Variants in LAMA5 observed in about 807,000 individuals in gnomAD.
LAMA5 encodes laminin subunit alpha 5, also known as laminin subunit alpha-5.
LAMA5 carries 260 observed loss-of-function variants against 433.4 expected under a neutral mutation model. That is an observed-to-expected ratio of 0.60 (90% CI 0.54 to 0.66). The LOEUF (loss-of-function observed/expected upper bound fraction) is 0.66, where lower values mean the gene tolerates loss of function less well. Among genes scored for constraint, LAMA5 ranks in the 30% least tolerant of loss-of-function variants. LAMA5 has a pLI of 0.00. For missense variants in LAMA5, 5,378 were observed against 5,258.5 expected, an observed-to-expected ratio of 1.02 and a Z score of -0.70; for synonymous variants, 2,620 against 2,226.6, an observed-to-expected ratio of 1.18 and a Z score of -4.97.
At position 62,333,467 on chromosome 20, in the gene LAMA5, C is replaced by A; in HGVS notation, c.3036G>T (p.Leu1012=). Residue 1012 remains leucine, a synonymous_variant, in exon 25 of 80, where the codon CTG becomes CTT. Transcript: ENST00000252999. ...CCGCCTCGTAGTATGCGCTAGGCAG[C>A]AGAACCACGTAGTCCTGCAGGGTGG... is the stretch of plus-strand genomic sequence containing the variant. ...AEGVLLDYVV[L]LPSAYYEAAL... is the part of the protein sequence containing the mutation. 2 of 1,612,474 alleles carry A rather than the reference C, an allele frequency of 1.2e-6. No homozygotes were observed. The highest frequency in any genetic ancestry group is 1.1e-5 in the South Asian group (1 of 90,992).
intron 6 of LAMA5, among the ~76,000 whole-genome samples, chr20:62,347,614 T>TA (rs1983587418): frequency 6.6e-6 from 1 of 152,170 alleles, no homozygotes; most frequent in East Asian, 1.9e-4. Context: ...GGGTGGACAC[T>TA]AAGTCACAGG....
rs1986351473 is a variant in LAMA5 at position 62,312,210 on chromosome 20, G to T, written c.9467C>A (p.Ala3156Asp). The T allele has an allele frequency of 1.2e-6, 2 of 1,610,496 alleles. No homozygotes were observed. Among genetic ancestry groups the T allele is most frequent in the Non-Finnish European group, 1.7e-6 (2 of 1,179,260 alleles). The change falls in exon 69 of 80, where the codon GCC becomes GAC. Residue 3156 changes from alanine to aspartate, a missense_variant. Ala to Asp is a moderately radical substitution (Grantham distance 126). Transcript: ENST00000252999. Reference protein sequence around the residue: ...NVYSGFGFHSAQDSALLYYRA... With the variant: ...NVYSGFGFHSDQDSALLYYRA... ...GTAGTAGAGCAGGGCACTGTCCTGG[G>T]CGCTGTGGAAGCCGAAGCCGGAGTA...
In LAMA5 at chr20:62,310,780, G is replaced by T; in HGVS notation, c.10331C>A (p.Ala3444Asp). 1.9e-6 allele frequency: 3 copies of T among 1,553,130 alleles called. No homozygotes were observed. Among genetic ancestry groups the T allele is most frequent in the Non-Finnish European group, 2.6e-6 (3 of 1,150,008 alleles). ...KNRILLVTDG[A>D]RAWSQEGPHR... Reference sequence around the variant, plus strand: ...CGGCCCCTCCTGGCTCCAGGCCCGGGCCCCGTCCGTCACCAGCAGGATCCG... The same window carrying T: ...CGGCCCCTCCTGGCTCCAGGCCCGGTCCCCGTCCGTCACCAGCAGGATCCG... Residue 3444 changes from alanine (A) to aspartate (D), a missense_variant, in exon 75 of 80, where the codon GCC (alanine) becomes GAC (aspartate). By Grantham distance (126) the Ala-to-Asp change is moderately radical. Transcript: ENST00000252999.
intron 47 of LAMA5, 25 bp downstream of exon 47, chr20:62,322,244 C>A: frequency 6.4e-7 from 1 of 1,570,210 alleles, no homozygotes; most frequent in South Asian, 1.2e-5. Flanking sequence ...CCCCATCCGC[C>A]CTCCTGTGAC....
rs1285027409 is a variant in LAMA5 at position 62,362,486 on chromosome 20, C to A, written c.364G>T (p.Asp122Tyr). 1 of 1,605,364 alleles carries A rather than the reference C, an allele frequency of 6.2e-7. No homozygotes were observed. Among genetic ancestry groups the A allele is most frequent in the Non-Finnish European group, 8.5e-7 (1 of 1,175,696 alleles). The change falls in exon 2 of 80, where the codon GAT (aspartate) becomes TAT (tyrosine). Residue 122 changes from aspartate (D) to tyrosine (Y), a missense_variant. Transcript: ENST00000252999. The part of the protein sequence containing the change: ...NKAHPASNAI[D>Y]GTERWWQSPP... ...CTCTGCCACCAGCGCTCCGTGCCAT[C>A]GATGGCATTGCTCGCGGGGTGTGCC... is the stretch of plus-strand genomic sequence containing the variant.
chr20:62,367,092 G>C lies in LAMA5; in HGVS notation c.154C>G (p.Leu52Val). The C allele has an allele frequency of 7.8e-7, 1 of 1,275,196 alleles. No homozygotes were observed. The highest frequency in any genetic ancestry group is 9.9e-7 in the Non-Finnish European group (1 of 1,014,820). The allele number at this position is 1,275,196 out of a possible 1,614,324, so 79.0% of individuals were successfully genotyped here. ...GFSLHPPYFN[L>V]AEGARIAASA... ...GCGGCGATGCGGGCGCCCTCGGCCA[G>C]GTTGAAGTAGGGCGGGTGCAGGCTG... Residue 52 changes from leucine to valine, a missense_variant, in exon 1 of 80, where the codon CTG becomes GTG. By Grantham distance (32) the Leu-to-Val change is conservative. Transcript: ENST00000252999.
intron 34 of LAMA5, among the ~76,000 whole-genome samples, 192 bp from the exon 35 acceptor site, chr20:62,328,637 C>G (rs1433233810): frequency 6.6e-6 from 1 of 152,006 alleles, no homozygotes; most frequent in African/African-American, 2.4e-5. Flanking sequence ...ACATCATCGT[C>G]AGAGACTGTG....
At chr20:62,318,289 A>C (rs1176352740) in intron 53 of LAMA5, among the ~76,000 whole-genome samples, 165 bp downstream of exon 53, 1 of 21,032 alleles carries the variant, frequency 4.8e-5, no homozygotes, top group Non-Finnish European at 9.1e-5. Context: ...GAGGGGAGGA[A>C]GAGGAGGAGG....
chr20:62,329,831 G>C lies in LAMA5; in HGVS notation c.4065C>G (p.Thr1355=). 6.2e-7 allele frequency: 1 copy of C among 1,612,458 alleles called. No homozygotes were observed. Among genetic ancestry groups the C allele is most frequent in the Non-Finnish European group, 8.5e-7 (1 of 1,179,788 alleles). ...VCEGQALLDV[T]HSELTVTVRV... ...GCACGGTCACAGTGAGCTCGCTGTG[G>C]GTCACGTCCAGCAGGGCCTGGCCCT... The change falls in exon 32 of 80, where the codon ACC becomes ACG. Residue 1355 remains threonine (T), a synonymous_variant. Transcript: ENST00000252999.
intron 30 of LAMA5, 54 bp from the exon 31 acceptor site, chr20:62,330,668 T>C: frequency 6.4e-7 from 1 of 1,562,050 alleles, no homozygotes; most frequent in Non-Finnish European, 8.7e-7. Flanking sequence ...TGCTGCCCCC[T>C]GGACAACCTG....
rs3737137 is a variant in LAMA5 at position 62,322,665 on chromosome 20, C to T, written c.6158G>A (p.Arg2053His). The T allele has an allele frequency of 0.21, 326,641 of 1,536,694 alleles. 37,068 individuals carry two copies. The highest frequency in any genetic ancestry group is 0.26 in the Middle Eastern group (1,145 of 4,342). ...KAGVTGRRCD[R>H]CQEGHFGFDG... ...CTTACCCCACAGCCCTACCTGGCAG[C>T]GGTCACAGCGCCGCCCAGTCACGCC... Residue 2053 changes from arginine (R) to histidine (H), a missense_variant, in exon 46 of 80, where the codon CGC becomes CAC. Transcript: ENST00000252999.
chr20:62,351,827 C>T, intron 5 of LAMA5, 26 bp from the exon 6 acceptor site: 1 of 1,587,436 alleles, frequency 6.3e-7, no homozygotes, highest in Non-Finnish European at 8.6e-7. Context: ...CCGTGAGCAC[C>T]AGGCGGCCAG....
chr20:62,356,169 C>G (rs1985196046), intron 2 of LAMA5: 1 of 152,298 alleles, frequency 6.6e-6, no homozygotes, highest in Non-Finnish European at 1.5e-5. Flanking sequence ...GTCTGTCCCC[C>G]ATCCCAACCA....
chr20:62,327,043 AC>A, intron 38 of LAMA5, 77 bp from the exon 39 acceptor site: 1 of 1,190,036 alleles, frequency 8.4e-7, no homozygotes, highest in Non-Finnish European at 1.2e-6. Context: ...TGGTCTGGGC[AC>A]CCCCAGCACA....
Position 62,312,726 on chromosome 20 carries a change from G to T in LAMA5, c.9133C>A (p.Arg3045=). The change falls in exon 67 of 80, where the codon CGG becomes AGG. Residue 3045 remains arginine (R), a synonymous_variant. Transcript: ENST00000252999. ...TGCTCCACGCTGTACACCGTGGCCC[G>T]CTCCACACGCACCAGCACACGCTTG... ...SRKRVLVRVE[R]ATVYSVEQDN... is the part of the protein sequence containing the mutation. 6.3e-7 allele frequency: 1 copy of T among 1,596,332 alleles called. No individual in the cohort carries two copies. Among genetic ancestry groups the T allele is most frequent in the Admixed American group, 1.7e-5 (1 of 57,724 alleles).
rs757405993 is a variant in LAMA5, at chr20:62,318,442, CG to C, written c.7239+11del. On this transcript the variant is annotated intron_variant, in intron 53 of 79. Coordinates refer to ENST00000252999, the MANE Select transcript of LAMA5 (RefSeq NM_005560.6). ...AGAGGAGCAGGAGGAAGAACAAGTCCGGGGTCCTCACCAGGGCTTCCTCCAG... is the reference window on the plus strand; with the variant it reads ...AGAGGAGCAGGAGGAAGAACAAGTCCGGGTCCTCACCAGGGCTTCCTCCAG... The C allele has an allele frequency of 2.5e-6, 4 of 1,575,318 alleles. No individual in the cohort carries two copies. In the East Asian group the frequency reaches 9.1e-5, roughly 36 times the overall value.
chr20:62,310,751 G>A lies in LAMA5; in HGVS notation c.10360C>T (p.Arg3454Trp), dbSNP rs184436105. ...ARAWSQEGPH[R>W]QHQGAEHPQP... ...GGGTGCTCTGCCCCCTGGTGCTGCC[G>A]GTGCGGCCCCTCCTGGCTCCAGGCC... is the stretch of plus-strand genomic sequence containing the variant. The change falls in exon 75 of 80, where the codon CGG becomes TGG. Residue 3454 changes from arginine (R) to tryptophan (W), a missense_variant. Arg to Trp is a moderately radical substitution (Grantham distance 101). Transcript: ENST00000252999. The A allele has an allele frequency of 4.3e-5, 67 of 1,571,094 alleles. 1 individual carries two copies. The highest frequency in any genetic ancestry group is 3.6e-4 in the South Asian group (31 of 85,396).
At position 62,311,726 on chromosome 20, in the gene LAMA5, G is replaced by A. The variant is rs766012416; in HGVS notation, c.9694C>T (p.Pro3232Ser). Residue 3232 changes from proline to serine, a missense_variant, in exon 71 of 80, where the codon CCC (proline) becomes TCC (serine). By Grantham distance (74) the Pro-to-Ser change is moderately conservative (BLOSUM62 -1). Coordinates refer to ENST00000252999, the MANE Select transcript of LAMA5 (RefSeq NM_005560.6). The stretch of plus-strand genomic sequence containing the variant: ...CCCTCAGGCTGCGGCTGGAGCTCGG[G>A]GGGTGGTCCCCGGTGGGGCTTCATC... Reference protein sequence around the residue: ...QQMKPHRGPPPELQPQPEGPP... With the variant: ...QQMKPHRGPPSELQPQPEGPP... 18 of 1,563,876 alleles carry A rather than the reference G, an allele frequency of 1.2e-5. No individual in the cohort carries two copies. The highest frequency in any genetic ancestry group is 1.9e-5 in the Admixed American group (1 of 51,946).
In LAMA5 at chr20:62,324,081, T is replaced by C; in HGVS notation, c.5767A>G (p.Asn1923Asp). ...CGTCCCGGGAGGAGGCTGGCTTACTTGTTGGAAGGCACTGAGAGGGGGCAG... is the reference window on the plus strand; with the variant it reads ...CGTCCCGGGAGGAGGCTGGCTTACTCGTTGGAAGGCACTGAGAGGGGGCAG... ...CPCPLSVPSN[N>D]FAEGCVLRGG... The change falls in exon 43 of 80, where the codon AAC becomes GAC. Residue 1923 changes from asparagine to aspartate, a missense_variant and splice_region_variant. By Grantham distance (23) the Asn-to-Asp change is conservative (BLOSUM62 1). Transcript: ENST00000252999. The surrounding 1 kb of genome is among the most constrained non-coding windows in gnomAD (Gnocchi z 4.4). The C allele has an allele frequency of 1.3e-6, 2 of 1,503,100 alleles. No homozygotes were observed. The highest frequency in any genetic ancestry group is 1.4e-5 in the African/African-American group (1 of 70,618). 93.1% of individuals were successfully genotyped at this position (1,503,100 alleles called of 1,614,324 possible). A position where few individuals can be genotyped will look rare whatever the true frequency, so the allele number is the denominator to read the frequency against.
Sources: allele counts gnomAD v4.1 joint callset (sites outside exome capture counted in the v4.1 genomes callset), GRCh38; gene constraint gnomAD v4.1.1; non-coding constraint Gnocchi (gnomAD v3.1); transcripts MANE v1.5; gene names NCBI Gene and HGNC (gene_info 2026-07-23, HGNC 2026-07-21).